PCNX1: variants seen among roughly 807,000 people sequenced by gnomAD.
PCNX1 encodes the protein pecanex 1.
A neutral mutation model predicts 242.2 loss-of-function variants in PCNX1; 78 were observed. That is an observed-to-expected ratio of 0.32 (90% confidence interval 0.27 to 0.39). PCNX1 has a LOEUF of 0.39. Ranked by LOEUF, PCNX1 falls within the 10% of genes least tolerant of loss-of-function variation. PCNX1 has a pLI of 1.00. For missense variants in PCNX1, 2,581 were observed against 2,856.5 expected (o/e 0.90, Z 2.20); for synonymous variants, 1,024 against 1,032.9 (o/e 0.99, Z 0.17).
At chr14:71,063,297 T>G (rs1187093061) in intron 26 of PCNX1, among the ~76,000 whole-genome samples, 3 of 152,188 alleles carry the variant, frequency 2.0e-5, no homozygotes, top group Admixed American at 1.3e-4. Context: ...CTTAAAAATA[T>G]CAAAACCATT....
At chr14:71,088,028 C>T (rs1311893727) in intron 28 of PCNX1, among the ~76,000 whole-genome samples, 3 of 151,390 alleles carry the variant, frequency 2.0e-5, no homozygotes, top group African/African-American at 4.8e-5. Context: ...AGGGTAATAT[C>T]AGTAATCTCA....
In PCNX1 at chr14:71,114,810, G is replaced by A. The variant is rs1324351323; in HGVS notation, c.*4875G>A. On this transcript the variant is annotated 3_prime_UTR_variant, in exon 36 of 36. Coordinates refer to ENST00000304743, the MANE Select transcript of PCNX1 (RefSeq NM_014982.3). Reference sequence around the variant, plus strand: ...AGTTTTACCTGCACAATGAGGTGGTGCCCCGGAATTCACAACAGAGTAGTG... The same window carrying A: ...AGTTTTACCTGCACAATGAGGTGGTACCCCGGAATTCACAACAGAGTAGTG... The A allele has an allele frequency of 1.3e-5, 2 of 152,458 alleles. No homozygotes were observed. Among genetic ancestry groups the A allele is most frequent in the African/African-American group, 4.8e-5 (2 of 41,394 alleles). 9.4% of individuals were successfully genotyped at this position (152,458 alleles called of 1,614,324 possible).
At chr14:70,993,213 C>T (rs1021463506) in intron 7 of PCNX1, among the ~76,000 whole-genome samples, 25 of 151,478 alleles carry the variant, frequency 1.7e-4, no homozygotes, top group Admixed American at 7.9e-4. Context: ...CTCCGCCTCC[C>T]GGGTTCACGC....
At chr14:70,957,948 CACTT>C (rs2058056384) in intron 2 of PCNX1, among the ~76,000 whole-genome samples, 1 of 152,094 alleles carries the variant, frequency 6.6e-6, no homozygotes, top group African/African-American at 2.4e-5. Context: ...CTTTGGATCT[CACTT>C]AGAGGATGCA....
intron 27 of PCNX1, among the ~76,000 whole-genome samples, chr14:71,074,891 A>AGG (rs2061674327): frequency 6.6e-6 from 1 of 151,896 alleles, no homozygotes; most frequent in Non-Finnish European, 1.5e-5. Flanking sequence ...GTTGTCACTT[A>AGG]GGGGCTTCCA....
chr14:71,089,885 AC>A (rs1391133711), intron 30 of PCNX1, among the ~76,000 whole-genome samples: 27 of 152,200 alleles, frequency 1.8e-4, no homozygotes, highest in Non-Finnish European at 1.5e-5. Flanking sequence ...TAAAACCTGA[AC>A]CTATGTTTCT....
At chr14:71,006,007 C>T (rs553732965) in intron 8 of PCNX1, among the ~76,000 whole-genome samples, 1 of 151,560 alleles carries the variant, frequency 6.6e-6, no homozygotes, top group Admixed American at 6.6e-5. Flanking sequence ...GCTGCAGCCG[C>T]AACCTCCTAG....
Position 71,108,694 on chromosome 14 carries a change from A to G in PCNX1, c.6392A>G (p.Tyr2131Cys). The G allele has an allele frequency of 6.2e-7, 1 of 1,614,202 alleles. No individual in the cohort carries two copies. Among genetic ancestry groups the G allele is most frequent in the Non-Finnish European group, 8.5e-7 (1 of 1,180,022 alleles). The change falls in exon 34 of 36, where the codon TAT becomes TGT. Residue 2131 changes from tyrosine to cysteine, a missense_variant. By Grantham distance (194) the Tyr-to-Cys change is radical. This residue lies in a region of PCNX1 where 432 missense variants were observed against 433.6 expected (regional missense o/e 1.00). Coordinates refer to ENST00000304743, the MANE Select transcript of PCNX1 (RefSeq NM_014982.3). ...ASVASQSSYC[Y>C]SSRHSSLRMS... ...GTAGCCAGCCAGTCTTCCTACTGCT[A>G]TAGCAGCCGGCATTCATCCCTCCGG... is the stretch of plus-strand genomic sequence containing the variant.
chr14:71,105,581 T>C, intron 33 of PCNX1, 141 bp downstream of exon 33: 2 of 618,842 alleles, frequency 3.2e-6, no homozygotes, highest in East Asian at 2.9e-5. Flanking sequence ...GATGGAGTCT[T>C]GCTCTGGCTG....
chr14:71,108,804 C>T lies in PCNX1; in HGVS notation c.6502C>T (p.Arg2168Ter), dbSNP rs2062691962. The T allele has an allele frequency of 1.9e-6, 3 of 1,614,110 alleles. No individual in the cohort carries two copies. Among genetic ancestry groups the T allele is most frequent in the African/African-American group, 2.7e-5 (2 of 74,938 alleles). Residue 2168 changes from arginine (R) to a stop codon, truncating the protein, a stop_gained, in exon 34 of 36, where the codon CGA becomes TGA. Coordinates refer to ENST00000304743, the MANE Select transcript of PCNX1 (RefSeq NM_014982.3). LOFTEE classifies it high-confidence loss of function. ...AAACTTGCCATCATCCATCCAATCC[C>T]GACTGTCGATGGTGAACCAAATGGA... ...LRNLPSSIQS[R>*]LSMVNQMEPS...
intron 11 of PCNX1, among the ~76,000 whole-genome samples, chr14:71,016,297 G>C (rs1179369369): frequency 6.6e-6 from 1 of 152,178 alleles, no homozygotes; most frequent in Non-Finnish European, 1.5e-5. Context: ...ACAAATCACA[G>C]TTATAGGTGA....
intron 24 of PCNX1, 97 bp from the exon 25 acceptor site, chr14:71,055,407 T>C: frequency 1.4e-6 from 1 of 716,352 alleles, no homozygotes; most frequent in Non-Finnish European, 2.4e-6. Flanking sequence ...AGTGATAACC[T>C]TTATTTTATA....
intron 28 of PCNX1, among the ~76,000 whole-genome samples, chr14:71,084,348 C>T (rs757338716): frequency 2.6e-5 from 4 of 152,210 alleles, no homozygotes; most frequent in Non-Finnish European, 5.9e-5. Flanking sequence ...CTTGAGGAGG[C>T]AGTCTGTCCC....
At chr14:70,974,346 G>T (rs1595103828) in intron 5 of PCNX1, among the ~76,000 whole-genome samples, 1 of 151,284 alleles carries the variant, frequency 6.6e-6, no homozygotes, top group East Asian at 1.9e-4. Context: ...TGTTGGCCAG[G>T]CTGATCTCGA....
intron 28 of PCNX1, among the ~76,000 whole-genome samples, chr14:71,082,099 C>T (rs1467722208): frequency 6.6e-6 from 1 of 152,050 alleles, no homozygotes; most frequent in East Asian, 1.9e-4. Context: ...TTATTTCTGC[C>T]TTGATTTCAT....
chr14:70,957,236 A>ATC (rs1177613439), intron 2 of PCNX1, among the ~76,000 whole-genome samples: 1 of 152,032 alleles, frequency 6.6e-6, no homozygotes, highest in African/African-American at 2.4e-5. Flanking sequence ...TGATCTGCCC[A>ATC]TCTTGGCCTC....
intron 26 of PCNX1, among the ~76,000 whole-genome samples, chr14:71,072,099 G>C (rs913385141): frequency 1.3e-5 from 2 of 152,158 alleles, no homozygotes; most frequent in African/African-American, 4.8e-5. Context: ...GTAATGAAAT[G>C]TTTGAAATAT....
At chr14:70,984,985 C>T (rs1360829055) in intron 6 of PCNX1, among the ~76,000 whole-genome samples, 1 of 148,216 alleles carries the variant, frequency 6.7e-6, no homozygotes, top group Non-Finnish European at 1.5e-5. Context: ...TGTGAAGTAA[C>T]TCCTGAGGTG....
At chr14:71,012,519 T>G (rs1337774814) in intron 10 of PCNX1, 1 of 172,846 alleles carries the variant, frequency 5.8e-6, no homozygotes, top group Non-Finnish European at 1.3e-5. Context: ...TTCTATAGTT[T>G]CTGGTAATCA....
Sources: gnomAD v4.1 joint callset for allele counts (sites outside exome capture counted in the v4.1 genomes callset) on GRCh38, gnomAD v4.1.1 for gene constraint, gnomAD v4.1.1 regional missense constraint, MANE v1.5 for transcripts, NCBI Gene and HGNC (gene_info 2026-07-23, HGNC 2026-07-21) for gene names.